GNB4: variants seen among roughly 807,000 people sequenced by gnomAD.
GNB4 encodes the protein G protein subunit beta 4.
GNB4 carries 28 observed loss-of-function variants against 45.2 expected under a neutral mutation model. The observed-to-expected ratio is 0.62, with a 90% CI of 0.46 to 0.85. The LOEUF (loss-of-function observed/expected upper bound fraction) is 0.85, where lower values mean the gene tolerates loss of function less well. GNB4 is among the 40% of genes least tolerant of loss of function. The pLI, the probability that GNB4 is intolerant of heterozygous loss-of-function variation, is 0.00. For synonymous variants in GNB4, 132 were observed against 143.7 expected (o/e 0.92, Z 0.58); for missense variants, 321 against 425.4 (o/e 0.75, Z 2.16).
Position 179,426,987 on chromosome 3 carries a change from C to T in GNB4, c.-42-745G>A, listed in dbSNP as rs187800730. Among the ~76,000 whole-genome samples the T allele has an allele frequency of 6.1e-3, 933 of 151,994 alleles. 10 individuals are homozygous for T. The highest frequency in any genetic ancestry group is 0.021 in the African/African-American group (889 of 41,458). On this transcript the variant is annotated intron_variant, in intron 1 of 9. Transcript: ENST00000232564. ...GACCCTGTATCATTACACACACACACCCCCCTCTGACCTCATGTATCACTC... is the reference window on the plus strand; with the variant it reads ...GACCCTGTATCATTACACACACACATCCCCCTCTGACCTCATGTATCACTC...
chr3:179,404,316 A>G (rs1714398204), intron 9 of GNB4, among the ~76,000 whole-genome samples: 1 of 152,168 alleles, frequency 6.6e-6, no homozygotes, highest in Non-Finnish European at 1.5e-5. Flanking sequence ...GCAGCTTAAA[A>G]CCCAACCCTT....
intron 1 of GNB4, among the ~76,000 whole-genome samples, chr3:179,431,945 TA>T (rs1466815105): frequency 2.6e-5 from 4 of 152,142 alleles, no homozygotes; most frequent in African/African-American, 9.7e-5. Flanking sequence ...AGCAGCTAAA[TA>T]GGCCCAAGTC....
At chr3:179,425,951 A>G (rs1715135329) in intron 2 of GNB4, among the ~76,000 whole-genome samples, 193 bp downstream of exon 2, 1 of 152,236 alleles carries the variant, frequency 6.6e-6, no homozygotes, top group Non-Finnish European at 1.5e-5. Context: ...ACTTGTTCGC[A>G]ATGAATTTTG....
rs191492053 is a variant in GNB4, at chr3:179,445,104, C to T, written c.-43+6242G>A. 5.4e-3 allele frequency among the ~76,000 whole-genome samples: 816 copies of T among 152,170 alleles called. 8 individuals are homozygous for T. Among genetic ancestry groups the T allele is most frequent in the African/African-American group, 0.019 (777 of 41,504 alleles). ...GTTCTTTGAGCATAGAGGCCATTGT[C>T]CTCATCTTGTCCCTCCCAAAGTAGT... On this transcript the variant is annotated intron_variant, in intron 1 of 9. Transcript: ENST00000232564.
At chr3:179,489,849 T>G in the GNB4 span, among the ~76,000 whole-genome samples, 1 of 152,208 alleles carries the variant, frequency 6.6e-6, no homozygotes. Flanking sequence ...TAGCTAGGAC[T>G]GTCTAATTCC....
intron 1 of GNB4, among the ~76,000 whole-genome samples, chr3:179,438,859 C>T (rs12488540): frequency 0.19 from 29,300 of 152,122 alleles, 3,277 homozygotes; most frequent in Admixed American, 0.25. Context: ...ACTACATCCA[C>T]ATCCTGAAGA....
intron 4 of GNB4, among the ~76,000 whole-genome samples, chr3:179,418,496 GAAAAGA>G (rs1201376121): frequency 5.9e-5 from 8 of 134,536 alleles, no homozygotes; most frequent in East Asian, 2.0e-4. Context: ...AAAGAAAAAA[GAAAAGA>G]AAAAGAAAAA....
intron 2 of GNB4, among the ~76,000 whole-genome samples, chr3:179,421,965 C>T (rs1188220635): frequency 1.3e-5 from 2 of 152,108 alleles, no homozygotes; most frequent in African/African-American, 4.8e-5. Flanking sequence ...AGACCAAATT[C>T]TTAAAAAAGG....
chr3:179,423,204 CACG>C (rs780849239), intron 2 of GNB4, among the ~76,000 whole-genome samples: 6 of 152,146 alleles, frequency 3.9e-5, no homozygotes, highest in Non-Finnish European at 5.9e-5. Context: ...CACCTGCGCC[CACG>C]ACATTGTGCT....
chr3:179,444,760 G>C (rs1384104507), intron 1 of GNB4, among the ~76,000 whole-genome samples: 1 of 152,110 alleles, frequency 6.6e-6, no homozygotes, highest in African/African-American at 2.4e-5. Context: ...CAGAATTCTA[G>C]AATGTCTTAA....
chr3:179,423,786 TA>T (rs35300847), intron 2 of GNB4, among the ~76,000 whole-genome samples: 155 of 145,144 alleles, frequency 1.1e-3, no homozygotes, highest in South Asian at 2.4e-3. Context: ...CACTCTGATT[TA>T]AAAAAAAAAA....
the GNB4 span, among the ~76,000 whole-genome samples, chr3:179,504,459 A>C: frequency 6.6e-6 from 1 of 152,160 alleles, no homozygotes; most frequent in African/African-American, 2.4e-5. Flanking sequence ...CCTCCAGCCT[A>C]TAGATAAGAT....
At chr3:179,527,774 G>A in the GNB4 span, among the ~76,000 whole-genome samples, 1 of 138,662 alleles carries the variant, frequency 7.2e-6, no homozygotes, top group South Asian at 2.5e-4. Flanking sequence ...TTGCTGATAA[G>A]TGCGTGTGTG....
intron 1 of GNB4, among the ~76,000 whole-genome samples, chr3:179,428,656 A>T (rs1445659167): frequency 6.6e-6 from 1 of 152,178 alleles, no homozygotes; most frequent in African/African-American, 2.4e-5. Flanking sequence ...GGGACTTTTT[A>T]AAAATTTGCA....
chr3:179,499,155 CTTTTTTT>C, the GNB4 span, among the ~76,000 whole-genome samples: 6 of 111,510 alleles, frequency 5.4e-5, no homozygotes, highest in Admixed American at 2.1e-4. Flanking sequence ...GCCACATTTT[CTTTTTTT>C]TTTTTTTTTT....
At chr3:179,427,054 G>A (rs1715169676) in intron 1 of GNB4, among the ~76,000 whole-genome samples, 1 of 151,914 alleles carries the variant, frequency 6.6e-6, no homozygotes, top group Non-Finnish European at 1.5e-5. Context: ...CTTCTCTGAT[G>A]TTCCCTGAAC....
At chr3:179,421,986 T>G (rs1254398871) in intron 2 of GNB4, among the ~76,000 whole-genome samples, 1 of 152,198 alleles carries the variant, frequency 6.6e-6, no homozygotes, top group Non-Finnish European at 1.5e-5. Flanking sequence ...TTCTTTGACT[T>G]CAAGCTTTAT....
chr3:179,403,519 G>A (rs796610484), intron 9 of GNB4, among the ~76,000 whole-genome samples: 28 of 152,206 alleles, frequency 1.8e-4, no homozygotes, highest in African/African-American at 2.9e-4. Flanking sequence ...CAGGCCGGGC[G>A]CAGTGGCTCA....
the GNB4 span, among the ~76,000 whole-genome samples, chr3:179,520,782 C>T: frequency 7.2e-4 from 109 of 152,228 alleles, no homozygotes; most frequent in Admixed American, 2.0e-3. Context: ...ACCTGACATT[C>T]ACTCCATTTC....
Sources: gnomAD v4.1 joint callset for allele counts (sites outside exome capture counted in the v4.1 genomes callset) on GRCh38, gnomAD v4.1.1 for gene constraint, MANE v1.5 for transcripts, NCBI Gene and HGNC (gene_info 2026-07-23, HGNC 2026-07-21) for gene names.